Variants in VPS13B observed in about 807,000 individuals in gnomAD.
The protein encoded by VPS13B is intermembrane lipid transfer protein VPS13B.
VPS13B carries 285 observed loss-of-function variants against 426.4 expected under a neutral mutation model. That is an observed-to-expected ratio of 0.67 (90% confidence interval 0.61 to 0.74). The LOEUF (loss-of-function observed/expected upper bound fraction) is 0.74, where lower values mean the gene tolerates loss of function less well. Among genes scored for constraint, VPS13B ranks in the 30% least tolerant of loss-of-function variants. VPS13B has a pLI of 0.00. For synonymous variants in VPS13B, 1,676 were observed against 1,676.4 expected (o/e 1.00, Z 0.01); for missense variants, 4,537 against 4,782.6 (o/e 0.95, Z 1.51).
intron 2 of VPS13B, among the ~76,000 whole-genome samples, chr8:99,031,846 G>A (rs1245552359): frequency 6.6e-6 from 1 of 152,146 alleles, no homozygotes; most frequent in Non-Finnish European, 1.5e-5. Context: ...GAGATGCCAG[G>A]GCTATTGAGC....
At chr8:99,508,646 C>T (rs1042652801) in intron 28 of VPS13B, among the ~76,000 whole-genome samples, 2 of 151,912 alleles carry the variant, frequency 1.3e-5, no homozygotes, top group African/African-American at 4.8e-5. Context: ...TTTGAATGTT[C>T]ATTAGTGTCT....
At chr8:99,540,383 G>C (rs1823551073) in intron 30 of VPS13B, among the ~76,000 whole-genome samples, 1 of 151,760 alleles carries the variant, frequency 6.6e-6, no homozygotes, top group Non-Finnish European at 1.5e-5. Context: ...CCCGGCCTAA[G>C]CATTTCTATT....
intron 21 of VPS13B, among the ~76,000 whole-genome samples, chr8:99,405,743 C>T (rs903919065): frequency 2.0e-5 from 3 of 151,696 alleles, no homozygotes; most frequent in African/African-American, 4.8e-5. Flanking sequence ...TTACATGGAT[C>T]CTGTTTCATT....
intron 30 of VPS13B, among the ~76,000 whole-genome samples, chr8:99,546,287 T>G (rs1304506891): frequency 6.6e-6 from 1 of 152,046 alleles, no homozygotes; most frequent in African/African-American, 2.4e-5. Flanking sequence ...TTTCCTGTTT[T>G]AAATCAATTC....
chr8:99,638,987 C>T (rs1563838070), intron 33 of VPS13B, among the ~76,000 whole-genome samples: 1 of 152,184 alleles, frequency 6.6e-6, no homozygotes. Flanking sequence ...AACAGTTCTT[C>T]ACCTGGTAAA....
At chr8:99,740,751 T>C (rs1809671177) in intron 39 of VPS13B, among the ~76,000 whole-genome samples, 2 of 152,112 alleles carry the variant, frequency 1.3e-5, no homozygotes, top group Non-Finnish European at 2.9e-5. Context: ...AGAAATAGAA[T>C]ACTATACAGA....
At chr8:99,520,550 A>T (rs981963027) in intron 29 of VPS13B, among the ~76,000 whole-genome samples, 8 of 152,050 alleles carry the variant, frequency 5.3e-5, no homozygotes, top group African/African-American at 1.9e-4. Flanking sequence ...CAAAGCTGAA[A>T]AGCATTTAGG....
chr8:99,193,932 C>T (rs1179848672), intron 17 of VPS13B, among the ~76,000 whole-genome samples: 1 of 152,056 alleles, frequency 6.6e-6, no homozygotes, highest in Non-Finnish European at 1.5e-5. Context: ...ATGAGATATA[C>T]TGGAGATGTG....
Position 99,778,826 on chromosome 8 carries a change from C to G in VPS13B, c.7574C>G (p.Ala2525Gly). The change falls in exon 42 of 62, where the codon GCT becomes GGT. Residue 2525 changes from alanine to glycine, a missense_variant. Physicochemically the swap from Ala to Gly is moderately conservative, Grantham distance 60 (BLOSUM62 0). Around this residue, in one of 2 missense-constraint regions of VPS13B, gnomAD observed 4,311 missense variants for 4,474.3 expected, o/e 0.96. Coordinates refer to ENST00000357162, the MANE Select transcript of VPS13B (RefSeq NM_152564.5). Reference protein sequence around the residue: ...GSVCQEIQFLAQADCKLLECR... With the variant: ...GSVCQEIQFLGQADCKLLECR... ...GTCTGTCAGGAGATCCAGTTCTTAG[C>G]TCAAGCAGACTGTAAACTTCTAGAG... 6.2e-7 allele frequency: 1 copy of G among 1,613,982 alleles called. No individual in the cohort carries two copies. Among genetic ancestry groups the G allele is most frequent in the South Asian group, 1.1e-5 (1 of 91,086 alleles).
At chr8:99,412,168 C>T (rs1266145399) in intron 21 of VPS13B, among the ~76,000 whole-genome samples, 1 of 152,106 alleles carries the variant, frequency 6.6e-6, no homozygotes, top group Non-Finnish European at 1.5e-5. Context: ...ATATTGATTC[C>T]TCCTATCCAT....
intron 2 of VPS13B, among the ~76,000 whole-genome samples, chr8:99,028,582 T>TC (rs1454028243): frequency 9.8e-5 from 5 of 51,192 alleles, no homozygotes; most frequent in African/African-American, 3.8e-4. Context: ...CTGACCCCCC[T>TC]CCCCCCTCCC....
At chr8:99,311,066 TC>T in intron 19 of VPS13B, among the ~76,000 whole-genome samples, 1 of 152,208 alleles carries the variant, frequency 6.6e-6, no homozygotes, top group Non-Finnish European at 1.5e-5. Flanking sequence ...TCTCTTTTCT[TC>T]TTTATTAGTC....
chr8:99,429,057 A>G (rs2133403678), intron 21 of VPS13B, among the ~76,000 whole-genome samples: 2 of 152,054 alleles, frequency 1.3e-5, no homozygotes, highest in South Asian at 4.2e-4. Flanking sequence ...GCATATTCTC[A>G]CTCATAGGTG....
chr8:99,044,853 T>TACACACACACACACACACACAC (rs60056711), intron 3 of VPS13B, among the ~76,000 whole-genome samples: 3 of 139,792 alleles, frequency 2.1e-5, no homozygotes, highest in African/African-American at 8.2e-5. Context: ...TTCCATTTTA[T>TACACACACACACACACACACAC]ACACACACAC....
At chr8:99,290,743 A>G (rs1819686980) in intron 19 of VPS13B, among the ~76,000 whole-genome samples, 1 of 152,098 alleles carries the variant, frequency 6.6e-6, no homozygotes, top group African/African-American at 2.4e-5. Flanking sequence ...TCCTTAACCC[A>G]GTCTTTCTGA....
chr8:99,040,102 A>G (rs1379994432), intron 3 of VPS13B, among the ~76,000 whole-genome samples: 1 of 152,136 alleles, frequency 6.6e-6, no homozygotes, highest in African/African-American at 2.4e-5. Context: ...GAAAAAAAAA[A>G]TCCAGACACT....
At chr8:99,526,358 G>A (rs950669613) in intron 30 of VPS13B, among the ~76,000 whole-genome samples, 4 of 152,138 alleles carry the variant, frequency 2.6e-5, no homozygotes, top group Non-Finnish European at 4.4e-5. Context: ...TTTGAGCAGA[G>A]AAGTGACGTG....
chr8:99,168,978 C>CT (rs376560113), intron 15 of VPS13B, among the ~76,000 whole-genome samples: 2 of 151,874 alleles, frequency 1.3e-5, no homozygotes, highest in Middle Eastern at 3.4e-3. Context: ...AGTATAATAG[C>CT]TTTTTGAAAC....
intron 30 of VPS13B, among the ~76,000 whole-genome samples, chr8:99,550,814 T>G (rs1588486795): frequency 6.6e-6 from 1 of 152,198 alleles, no homozygotes; most frequent in South Asian, 2.1e-4. Context: ...AGAAGTGTGT[T>G]TTAAAATTTC....
Sources: gnomAD v4.1 joint callset for allele counts (sites outside exome capture counted in the v4.1 genomes callset) on GRCh38, gnomAD v4.1.1 for gene constraint, gnomAD v4.1.1 regional missense constraint, MANE v1.5 for transcripts, NCBI Gene and HGNC (gene_info 2026-07-23, HGNC 2026-07-21) for gene names.